The following DPP10 variants were observed in gnomAD, a reference collection of about 807,000 sequenced individuals.
DPP10 encodes the protein inactive dipeptidyl peptidase 10.
Under a neutral mutation model 120.9 loss-of-function variants are expected in DPP10, and 33 were observed. That is an observed-to-expected ratio of 0.27 (90% CI 0.21 to 0.37). The LOEUF is 0.37. Among genes scored for constraint, DPP10 ranks in the 10% least tolerant of loss-of-function variants. DPP10 has a pLI of 1.00. For synonymous variants in DPP10, 337 were observed against 326.1 expected (o/e 1.03, Z -0.36); for missense variants, 816 against 942.8 (o/e 0.87, Z 1.76).
intron 1 of DPP10, among the ~76,000 whole-genome samples, chr2:114,853,736 T>A (rs185550479): frequency 1.2e-4 from 19 of 152,234 alleles, no homozygotes; most frequent in Non-Finnish European, 1.5e-4. Context: ...TCACTGGTAG[T>A]GGAGAAAGTT....
At chr2:115,144,016 G>A (rs1164616600) in intron 1 of DPP10, 2 of 152,086 alleles carry the variant, frequency 1.3e-5, no homozygotes, top group South Asian at 2.1e-4. Context: ...GACCTATATC[G>A]GATAATCATA....
intron 5 of DPP10, among the ~76,000 whole-genome samples, chr2:115,554,489 TAAATC>T (rs2080085368): frequency 6.6e-6 from 1 of 152,034 alleles, no homozygotes; most frequent in African/African-American, 2.4e-5. Context: ...ATGCACTAAA[TAAATC>T]AAATGCATTC....
At chr2:114,814,986 G>C (rs1446386464) in intron 1 of DPP10, among the ~76,000 whole-genome samples, 2 of 152,278 alleles carry the variant, frequency 1.3e-5, no homozygotes, top group Middle Eastern at 6.8e-3. Context: ...TTACAGATGA[G>C]GGAGACAGAG....
chr2:115,490,314 A>G (rs1469703568), intron 3 of DPP10, among the ~76,000 whole-genome samples: 2 of 152,136 alleles, frequency 1.3e-5, no homozygotes, highest in Non-Finnish European at 2.9e-5. Context: ...CAGCAGGGGA[A>G]ATGCCAGATG....
At chr2:115,096,077 C>T (rs556595553) in intron 1 of DPP10, among the ~76,000 whole-genome samples, 104 of 152,236 alleles carry the variant, frequency 6.8e-4, no homozygotes, top group African/African-American at 2.3e-3. Flanking sequence ...ACTCTCCAAA[C>T]TACCCAAGGT....
chr2:114,494,028 A>G (rs1196483184), intron 1 of DPP10, among the ~76,000 whole-genome samples: 3 of 141,036 alleles, frequency 2.1e-5, no homozygotes, highest in African/African-American at 7.9e-5. Context: ...TTAAGTGCTT[A>G]ATTTTCTATT....
chr2:115,457,981 G>T (rs1249303590), intron 3 of DPP10, among the ~76,000 whole-genome samples: 5 of 152,138 alleles, frequency 3.3e-5, no homozygotes, highest in Admixed American at 2.0e-4. Context: ...ACAGTAAAAA[G>T]AACAAACTCC....
At chr2:115,832,555 T>G (rs1455360857) in intron 21 of DPP10, among the ~76,000 whole-genome samples, 1 of 152,172 alleles carries the variant, frequency 6.6e-6, no homozygotes, top group African/African-American at 2.4e-5. Context: ...TAAAGAAGCA[T>G]TTGTGGTTCA....
At chr2:114,954,393 T>C (rs1698049835) in intron 1 of DPP10, among the ~76,000 whole-genome samples, 1 of 152,078 alleles carries the variant, frequency 6.6e-6, no homozygotes, top group Admixed American at 6.6e-5. Flanking sequence ...AAGAAGGGCA[T>C]TTTTTAAATA....
intron 8 of DPP10, among the ~76,000 whole-genome samples, chr2:115,731,145 G>A (rs201741142): frequency 6.6e-6 from 1 of 152,104 alleles, no homozygotes; most frequent in Non-Finnish European, 1.5e-5. Context: ...GGATCATGAG[G>A]TCAGGAGATT....
intron 4 of DPP10, among the ~76,000 whole-genome samples, chr2:115,509,385 G>C (rs1033935355): frequency 1.1e-4 from 17 of 152,164 alleles, no homozygotes; most frequent in African/African-American, 3.1e-4. Flanking sequence ...TGAGATTTTG[G>C]TTGTATGACT....
chr2:115,610,964 G>A (rs2084055454), intron 5 of DPP10, among the ~76,000 whole-genome samples: 1 of 152,120 alleles, frequency 6.6e-6, no homozygotes. Context: ...CTTGATAATG[G>A]TTGAAAATTG....
intron 4 of DPP10, among the ~76,000 whole-genome samples, chr2:115,520,317 A>AAAAAC (rs760991097): frequency 1.3e-5 from 2 of 152,124 alleles, no homozygotes; most frequent in Admixed American, 6.6e-5. Context: ...GACTCCATCA[A>AAAAAC]AAAACAAAAC....
At chr2:114,838,594 G>A (rs555764557) in intron 1 of DPP10, among the ~76,000 whole-genome samples, 9 of 152,158 alleles carry the variant, frequency 5.9e-5, no homozygotes, top group South Asian at 2.1e-4. Flanking sequence ...ACTGTGCCCC[G>A]CCCTAATTTT....
intron 1 of DPP10, among the ~76,000 whole-genome samples, chr2:115,223,082 C>T (rs1034720505): frequency 2.0e-5 from 3 of 152,020 alleles, no homozygotes; most frequent in African/African-American, 7.2e-5. Flanking sequence ...GGGGTTGGGG[C>T]TTCCTTGCTG....
intron 1 of DPP10, among the ~76,000 whole-genome samples, chr2:114,793,921 CA>C (rs1683465000): frequency 6.6e-6 from 1 of 152,114 alleles, no homozygotes; most frequent in Non-Finnish European, 1.5e-5. Flanking sequence ...AAGTAGAGAG[CA>C]AATACAATAC....
chr2:115,814,601 G>GTTTTACAAAGGAAAATACAA (rs1317015330), intron 19 of DPP10, 192 bp from the exon 20 acceptor site: 15 of 410,442 alleles, frequency 3.7e-5, no homozygotes, highest in Non-Finnish European at 5.8e-5. Flanking sequence ...TTCAATTACA[G>GTTTTACAAAGGAAAATACAA]TTTTACAAAG....
At chr2:115,380,568 G>A (rs1444310634) in intron 3 of DPP10, among the ~76,000 whole-genome samples, 8 of 151,606 alleles carry the variant, frequency 5.3e-5, no homozygotes, top group Non-Finnish European at 1.0e-4. Flanking sequence ...AGTTAATATT[G>A]TTATGTGTGA....
At position 115,400,308 on chromosome 2, in the gene DPP10, A is replaced by T. The variant is rs541871845; in HGVS notation, c.271+56396A>T. On this transcript the variant is annotated intron_variant, in intron 3 of 25. Coordinates refer to ENST00000410059, the MANE Select transcript of DPP10 (RefSeq NM_020868.6). ...AAGAAGTGAATGAATGCTAGCAAGT[A>T]AATGTATTTCAGATTAAATTTTTTT... Among the ~76,000 whole-genome samples, 466 of 152,302 alleles carry T rather than the reference A, an allele frequency of 3.1e-3. 3 individuals are homozygous for T. The highest frequency in any genetic ancestry group is 0.011 in the African/African-American group (447 of 41,564).
Sources: allele counts gnomAD v4.1 joint callset (sites outside exome capture counted in the v4.1 genomes callset), GRCh38; gene constraint gnomAD v4.1.1; transcripts MANE v1.5; gene names NCBI Gene and HGNC (gene_info 2026-07-23, HGNC 2026-07-21).